Variants in ZNF718 observed in about 807,000 individuals in gnomAD.
ZNF718 encodes zinc finger protein 718.
ZNF718 carries 3 observed loss-of-function variants against 2.6 expected under a neutral mutation model. The observed-to-expected ratio is 1.16, with a 90% CI of 0.53 to 3.01. The LOEUF is 3.01. Ranked by LOEUF, ZNF718 falls within the 30% of genes most tolerant of loss-of-function variation. ZNF718 has a pLI of 0.03. For synonymous variants in ZNF718, 135 were observed against 77.9 expected (o/e 1.73, Z -3.86); for missense variants, 468 against 230.0 (o/e 2.03, Z -6.69).
At chr4:198,217 T>G (rs1717830265) in intron 3 of ZNF718, among the ~76,000 whole-genome samples, 1 of 152,078 alleles carries the variant, frequency 6.6e-6, no homozygotes, top group Admixed American at 6.5e-5. Flanking sequence ...ATAAAGTTGA[T>G]GTTGAAGCTC....
At chr4:150,550 C>G (rs1429905884) in intron 3 of ZNF718, among the ~76,000 whole-genome samples, 2 of 152,060 alleles carry the variant, frequency 1.3e-5, no homozygotes, top group Non-Finnish European at 2.9e-5. Context: ...TAACGGCCTC[C>G]AGGTTCATCC....
chr4:162,893 A>G lies in ZNF718; in HGVS notation c.*771A>G, dbSNP rs1193902788. On this transcript the variant is annotated 3_prime_UTR_variant, in exon 4 of 4. Transcript: ENST00000510175. ...GTCAGAATATTTACAGTAGAAAGAA[A>G]AAGGCATTAACACTTGAAACATTAC... The G allele has an allele frequency of 6.6e-6, 1 of 152,230 alleles. No individual in the cohort carries two copies. The allele number at this position is 152,230 out of a possible 1,614,324, so 9.4% of individuals were successfully genotyped here.
rs1404595639 is a variant in ZNF718, at chr4:128,626, C to T, written c.4-2162C>T. On this transcript the variant is annotated intron_variant, in intron 1 of 3. Transcript: ENST00000510175. ...ACAAAGTCAGCCTGAGTGTCTCCTC[C>T]GTGGATCACTATGAGGGCATCATTA... 4.8e-3 allele frequency among the ~76,000 whole-genome samples: 487 copies of T among 101,538 alleles called. 186 individuals are homozygous for T. In the East Asian group the frequency reaches 0.11, roughly 22 times the overall value. 66.6% of individuals were successfully genotyped at this position (101,538 alleles called of 152,430 possible).
intron 3 of ZNF718, among the ~76,000 whole-genome samples, chr4:143,638 C>T (rs1490467827): frequency 1.3e-5 from 2 of 152,118 alleles, no homozygotes; most frequent in African/African-American, 2.4e-5. Context: ...TTTTTTTCTC[C>T]TGCAAATCTC....
chr4:194,413 G>A (rs1442591046), intron 3 of ZNF718, among the ~76,000 whole-genome samples: 1 of 152,098 alleles, frequency 6.6e-6, no homozygotes, highest in Non-Finnish European at 1.5e-5. Context: ...AATGTCTGTG[G>A]CACCAATCTC....
chr4:197,062 C>A (rs1189597684), intron 3 of ZNF718, among the ~76,000 whole-genome samples: 1 of 148,164 alleles, frequency 6.7e-6, no homozygotes, highest in Non-Finnish European at 1.5e-5. Context: ...AGAACAAAGA[C>A]CTGCCCATAA....
downstream of ZNF718, among the ~76,000 whole-genome samples, chr4:164,866 A>G (rs56360029): frequency 0.013 from 1,931 of 152,268 alleles, 46 homozygotes; most frequent in African/African-American, 0.044. Flanking sequence ...AGAAAGTGAT[A>G]GGTGTGTAAT....
intron 1 of ZNF718, 26 bp downstream of exon 1, chr4:124,699 AAGGCTG>A (rs1715113503): frequency 4.4e-6 from 7 of 1,608,580 alleles, no homozygotes; most frequent in Non-Finnish European, 5.9e-6. Context: ...AGGGCGTCCC[AAGGCTG>A]TGGAGGCCTC....
Position 134,282 on chromosome 4 carries a change from G to T in ZNF718, c.226+2777G>T, listed in dbSNP as rs181554949. 2.6e-3 allele frequency among the ~76,000 whole-genome samples: 396 copies of T among 152,260 alleles called. 3 individuals carry two copies. Among genetic ancestry groups the T allele is most frequent in the South Asian group, 8.9e-3 (43 of 4,828 alleles). On this transcript the variant is annotated intron_variant, in intron 3 of 3. Coordinates refer to ENST00000510175, the MANE Select transcript of ZNF718 (RefSeq NM_001039127.6). ...CTGCCTCAGCCTCCCAAGTAGCTGG[G>T]ACTACAGGTGCCCGCCACCACGCCC...
exon 4 of ZNF718, chr4:201,165 C>G (rs1446456468): frequency 6.6e-6 from 1 of 152,198 alleles, no homozygotes; most frequent in Non-Finnish European, 1.5e-5. Flanking sequence ...TTTGGAAAGG[C>G]CACTGTAAGC....
At chr4:135,750 T>TATATATATATATATA (rs1553809234) in intron 3 of ZNF718, among the ~76,000 whole-genome samples, 1 of 30,414 alleles carries the variant, frequency 3.3e-5, no homozygotes, top group African/African-American at 1.4e-4. Flanking sequence ...ATGTGCATGA[T>TATATATATATATATA]TATATAATCT....
chr4:131,316 T>G lies in ZNF718; in HGVS notation c.131-94T>G. 1.2e-5 allele frequency: 3 copies of G among 241,268 alleles called. 1 individual carries two copies. The highest frequency in any genetic ancestry group is 2.2e-5 in the Non-Finnish European group (3 of 135,722). 14.9% of individuals were successfully genotyped at this position (241,268 alleles called of 1,614,324 possible). ...TTTTTGGATTAATTTTCTAGAATCT[T>G]CCCTAATTTCTCTATTCTACTTAGC... On this transcript the variant is annotated intron_variant, in intron 2 of 3. Coordinates refer to ENST00000510175, the MANE Select transcript of ZNF718 (RefSeq NM_001039127.6).
intron 3 of ZNF718, among the ~76,000 whole-genome samples, chr4:189,968 A>G (rs1300135226): frequency 6.6e-6 from 1 of 152,194 alleles, no homozygotes; most frequent in East Asian, 1.9e-4. Flanking sequence ...TGGTCATTGT[A>G]TGTAATCAGT....
chr4:192,468 G>A (rs1190963894), intron 3 of ZNF718, among the ~76,000 whole-genome samples: 1 of 152,150 alleles, frequency 6.6e-6, no homozygotes, highest in Non-Finnish European at 1.5e-5. Flanking sequence ...GTGTTTAAAG[G>A]TGGGTGCGGT....
intron 3 of ZNF718, among the ~76,000 whole-genome samples, chr4:144,101 C>T (rs1204018759): frequency 6.6e-6 from 1 of 152,172 alleles, no homozygotes; most frequent in Non-Finnish European, 1.5e-5. Context: ...GTTGGGCATA[C>T]CCAAAGTAAC....
chr4:168,365 A>G (rs1294899247), downstream of ZNF718, among the ~76,000 whole-genome samples: 2 of 152,128 alleles, frequency 1.3e-5, no homozygotes, highest in Admixed American at 6.5e-5. Flanking sequence ...CTGGCCTCAT[A>G]AAATTTAGTT....
At chr4:129,123 GTTA>G (rs1408735583) in intron 1 of ZNF718, among the ~76,000 whole-genome samples, 2 of 104,406 alleles carry the variant, frequency 1.9e-5, no homozygotes, top group African/African-American at 6.6e-5. Context: ...AGAAATTGTT[GTTA>G]TTATTTGTGT....
intron 3 of ZNF718, among the ~76,000 whole-genome samples, chr4:132,214 ACT>A (rs1715368045): frequency 9.8e-6 from 1 of 101,752 alleles, no homozygotes; most frequent in African/African-American, 3.4e-5. Flanking sequence ...ATAGAGCTAG[ACT>A]CTGTCTCAAA....
chr4:186,480 G>A (rs1418065326), intron 3 of ZNF718, among the ~76,000 whole-genome samples: 1 of 152,110 alleles, frequency 6.6e-6, no homozygotes, highest in Admixed American at 6.6e-5. Flanking sequence ...TCTTTTCATG[G>A]AGTATCTTAC....
Sources: gnomAD v4.1 joint callset for allele counts (sites outside exome capture counted in the v4.1 genomes callset) on GRCh38, gnomAD v4.1.1 for gene constraint, MANE v1.5 for transcripts, NCBI Gene and HGNC (gene_info 2026-07-23, HGNC 2026-07-21) for gene names.